Variants in AFAP1L2 observed in about 807,000 individuals in gnomAD.
AFAP1L2 encodes the protein actin filament-associated protein 1-like 2.
A neutral mutation model predicts 99.3 loss-of-function variants in AFAP1L2; 46 were observed. The ratio of observed to expected loss-of-function variants is 0.46; its 90% CI spans 0.37 to 0.59. AFAP1L2 has a LOEUF of 0.59. Among genes scored for constraint, AFAP1L2 ranks in the 20% least tolerant of loss-of-function variants. The pLI is 0.00. For missense variants in AFAP1L2, 959 were observed against 1,034.9 expected (o/e 0.93, Z 1.01); for synonymous variants, 397 against 419.1 (o/e 0.95, Z 0.64).
At chr10:114,289,168 G>A in the AFAP1L2 span, 1 of 1,613,714 alleles carries the variant, frequency 6.2e-7, no homozygotes, top group South Asian at 1.1e-5. Context: ...CATTAGCCAG[G>A]CCCCCTACCT....
At chr10:114,329,248 C>T (rs1390517009) in intron 4 of AFAP1L2, among the ~76,000 whole-genome samples, 1 of 152,220 alleles carries the variant, frequency 6.6e-6, no homozygotes, top group Non-Finnish European at 1.5e-5. Context: ...CACTCAGTGT[C>T]TGAGGCACAG....
chr10:114,396,164 A>G (rs1441313771), intron 1 of AFAP1L2, among the ~76,000 whole-genome samples: 1 of 152,208 alleles, frequency 6.6e-6, no homozygotes, highest in African/African-American at 2.4e-5. Context: ...CAGCCCATGT[A>G]GTCCTCACGG....
intron 1 of AFAP1L2, among the ~76,000 whole-genome samples, chr10:114,355,204 C>T (rs1469981678): frequency 1.3e-5 from 2 of 150,698 alleles, no homozygotes; most frequent in Non-Finnish European, 2.9e-5. Flanking sequence ...GGGATGGATG[C>T]GGGTGGGGGG....
Position 114,318,697 on chromosome 10 carries a change from G to A in AFAP1L2, c.407-2932C>T, listed in dbSNP as rs192588487. Among the ~76,000 whole-genome samples, 448 of 147,474 alleles carry A rather than the reference G, an allele frequency of 3.0e-3. 1 individual carries two copies. The highest frequency in any genetic ancestry group is 0.01 in the African/African-American group (413 of 40,272). Reference sequence around the variant, plus strand: ...GTGGAGATTGCGGTGAGCTGAGATCGCGCCACTGCACTCCAGCCTGGCGGC... The same window carrying A: ...GTGGAGATTGCGGTGAGCTGAGATCACGCCACTGCACTCCAGCCTGGCGGC... On this transcript the variant is annotated intron_variant, in intron 5 of 18. Coordinates refer to ENST00000304129, the MANE Select transcript of AFAP1L2 (RefSeq NM_001001936.3).
chr10:114,332,074 G>A (rs1461689562), intron 3 of AFAP1L2, among the ~76,000 whole-genome samples, 177 bp from the exon 4 acceptor site: 1 of 152,180 alleles, frequency 6.6e-6, no homozygotes, highest in Admixed American at 6.5e-5. Flanking sequence ...GTAATAGGGT[G>A]CAGGAGTGCC....
At chr10:114,344,995 G>A (rs562572399) in intron 1 of AFAP1L2, among the ~76,000 whole-genome samples, 158 of 151,990 alleles carry the variant, frequency 1.0e-3, no homozygotes, top group African/African-American at 3.7e-3. Flanking sequence ...TACCCGGGGG[G>A]CTGAGGCAGG....
At chr10:114,403,950 G>T (rs2058473928) in intron 1 of AFAP1L2, among the ~76,000 whole-genome samples, 1 of 152,216 alleles carries the variant, frequency 6.6e-6, no homozygotes, top group Admixed American at 6.5e-5. Context: ...GCCCGGGGAG[G>T]GTCTGCGCGC....
chr10:114,305,769 C>T (rs1478188707), intron 10 of AFAP1L2, among the ~76,000 whole-genome samples: 12 of 84,164 alleles, frequency 1.4e-4, no homozygotes, highest in African/African-American at 5.9e-4. Flanking sequence ...CAGGACTGGT[C>T]GGGGCTGCAG....
the AFAP1L2 span, chr10:114,289,246 G>A: frequency 3.1e-6 from 5 of 1,613,956 alleles, no homozygotes; most frequent in African/African-American, 2.7e-5. Flanking sequence ...CGTCCAGAGG[G>A]GTGCCCGGCC....
At chr10:114,369,114 T>A (rs759992086) in intron 1 of AFAP1L2, among the ~76,000 whole-genome samples, 1 of 152,168 alleles carries the variant, frequency 6.6e-6, no homozygotes, top group African/African-American at 2.4e-5. Context: ...GTGTTCCTCA[T>A]GACAGTGGTT....
At chr10:114,384,855 C>T (rs1455377262) in intron 1 of AFAP1L2, among the ~76,000 whole-genome samples, 3 of 152,206 alleles carry the variant, frequency 2.0e-5, no homozygotes, top group African/African-American at 7.2e-5. Flanking sequence ...AGGCTCCAGG[C>T]CTGGTTGAGA....
At position 114,342,878 on chromosome 10, in the gene AFAP1L2, G is replaced by GT. The variant is rs1470193959; in HGVS notation, c.17-2148dup. On this transcript the variant is annotated intron_variant, in intron 1 of 18. Coordinates refer to ENST00000304129, the MANE Select transcript of AFAP1L2 (RefSeq NM_001001936.3). ...ACTGCATCACAGCGTAGCTGTCTGT[G>GT]TCGCCATTTAGCTGCAAGCTCCAAG... is the stretch of plus-strand genomic sequence containing the variant. 2.0e-5 allele frequency among the ~76,000 whole-genome samples: 3 copies of GT among 152,232 alleles called. No homozygotes were observed. In the East Asian group the frequency reaches 5.8e-4, roughly 29 times the overall value.
At chr10:114,286,243 CG>C in the AFAP1L2 span, 1 of 1,612,974 alleles carries the variant, frequency 6.2e-7, no homozygotes, top group Non-Finnish European at 8.5e-7. Flanking sequence ...AGCGTGGCTT[CG>C]GGAGCGCCAC....
At chr10:114,327,515 G>T (rs1173472707) in intron 4 of AFAP1L2, among the ~76,000 whole-genome samples, 1 of 152,110 alleles carries the variant, frequency 6.6e-6, no homozygotes, top group East Asian at 1.9e-4. Flanking sequence ...GGAAGGGACT[G>T]CGTGAGCGAG....
intron 3 of AFAP1L2, among the ~76,000 whole-genome samples, chr10:114,332,795 C>T (rs1196182913): frequency 6.6e-6 from 1 of 152,230 alleles, no homozygotes; most frequent in African/African-American, 2.4e-5. Flanking sequence ...AAGTCAGCAC[C>T]TTTGAACATC....
chr10:114,367,516 C>G (rs1014455089), intron 1 of AFAP1L2, among the ~76,000 whole-genome samples: 1 of 152,152 alleles, frequency 6.6e-6, no homozygotes, highest in Non-Finnish European at 1.5e-5. Context: ...TGGGCAAGAG[C>G]TAAATGTGAA....
rs147589341 is a variant in AFAP1L2 at position 114,299,272 on chromosome 10, G to C, written c.2101C>G (p.Leu701Val). Reference sequence around the variant, plus strand: ...GGGGCCCCCTTACCTGTGCATTTCAGTAGGGTTTCCTTTAGCTCCCGTTTC... The same window carrying C: ...GGGGCCCCCTTACCTGTGCATTTCACTAGGGTTTCCTTTAGCTCCCGTTTC... ...KEKRELKETL[L>V]KCTDKEVLAS... The change falls in exon 16 of 19, where the codon CTG becomes GTG. Residue 701 changes from leucine to valine, a missense_variant. By Grantham distance (32) the Leu-to-Val change is conservative. This residue lies in a region of AFAP1L2 where 576 missense variants were observed against 562.1 expected (regional missense o/e 1.02). Transcript: ENST00000304129. 3,247 of 1,614,234 alleles carry C rather than the reference G, an allele frequency of 2.0e-3. 8 individuals carry two copies. The highest frequency in any genetic ancestry group is 2.5e-3 in the Non-Finnish European group (2,931 of 1,180,032).
intron 5 of AFAP1L2, among the ~76,000 whole-genome samples, chr10:114,320,211 C>T (rs956681533): frequency 1.3e-5 from 2 of 152,202 alleles, no homozygotes; most frequent in African/African-American, 4.8e-5. Flanking sequence ...AGGGCAGACC[C>T]CGATATCCCT....
At chr10:114,340,371 C>T (rs1020335912) in intron 2 of AFAP1L2, among the ~76,000 whole-genome samples, 1 of 152,082 alleles carries the variant, frequency 6.6e-6, no homozygotes, top group Non-Finnish European at 1.5e-5. Context: ...CAGAGAAAAA[C>T]CCATGTGAGG....
Sources: gnomAD v4.1 joint callset for allele counts (sites outside exome capture counted in the v4.1 genomes callset) on GRCh38, gnomAD v4.1.1 for gene constraint, gnomAD v4.1.1 regional missense constraint, MANE v1.5 for transcripts, NCBI Gene and HGNC (gene_info 2026-07-23, HGNC 2026-07-21) for gene names.